Variants in EXOC4 observed in about 807,000 individuals in gnomAD.
EXOC4 encodes the protein SEC8-like 1.
A neutral mutation model predicts 107.2 loss-of-function variants in EXOC4; 71 were observed. That is an observed-to-expected ratio of 0.66 (90% CI 0.55 to 0.81). The LOEUF (loss-of-function observed/expected upper bound fraction) is 0.81, where lower values mean the gene tolerates loss of function less well. Ranked by LOEUF, EXOC4 falls within the 30% of genes least tolerant of loss-of-function variation. The pLI, the probability that EXOC4 is intolerant of heterozygous loss-of-function variation, is 0.00. For missense variants in EXOC4, 1,108 were observed against 1,189.6 expected (o/e 0.93, Z 1.01); for synonymous variants, 456 against 441.2 (o/e 1.03, Z -0.42).
At chr7:133,855,104 A>ATAAAT (rs1798334354) in intron 11 of EXOC4, among the ~76,000 whole-genome samples, 11 of 61,906 alleles carry the variant, frequency 1.8e-4, no homozygotes, top group South Asian at 4.2e-4. Flanking sequence ...TATATATATA[A>ATAAAT]ATATATATAA....
At chr7:133,625,165 G>T (rs557203547) in intron 9 of EXOC4, among the ~76,000 whole-genome samples, 4 of 152,102 alleles carry the variant, frequency 2.6e-5, no homozygotes, top group African/African-American at 7.2e-5. Context: ...AACATTTTTT[G>T]AATTTGGACT....
At chr7:133,286,810 C>A (rs1260614649) in intron 2 of EXOC4, among the ~76,000 whole-genome samples, 8 of 152,194 alleles carry the variant, frequency 5.3e-5, no homozygotes. Flanking sequence ...ACTTTGACTT[C>A]ATCCTCCTGT....
intron 9 of EXOC4, among the ~76,000 whole-genome samples, chr7:133,585,808 C>T (rs1199344967): frequency 1.3e-5 from 2 of 152,118 alleles, no homozygotes; most frequent in Non-Finnish European, 2.9e-5. Flanking sequence ...ATTCTTCTGC[C>T]TCTGCCTCCC....
chr7:133,569,852 T>A (rs1265935321), intron 9 of EXOC4, among the ~76,000 whole-genome samples: 3 of 152,224 alleles, frequency 2.0e-5, no homozygotes, highest in Non-Finnish European at 4.4e-5. Flanking sequence ...TGCTAGAGAT[T>A]CTGTATTTTA....
At chr7:133,328,647 G>C (rs199560167) in intron 5 of EXOC4, among the ~76,000 whole-genome samples, 13 of 152,272 alleles carry the variant, frequency 8.5e-5, no homozygotes, top group African/African-American at 3.1e-4. Flanking sequence ...ATTTGCTTGT[G>C]TGTAAAGGAT....
chr7:133,965,601 T>G (rs991088402), intron 14 of EXOC4, among the ~76,000 whole-genome samples: 2 of 152,178 alleles, frequency 1.3e-5, no homozygotes, highest in African/African-American at 4.8e-5. Context: ...CCATTGCTTG[T>G]TTTTGTCAGG....
At chr7:133,982,445 G>A (rs1160144478) in intron 14 of EXOC4, among the ~76,000 whole-genome samples, 2 of 152,052 alleles carry the variant, frequency 1.3e-5, no homozygotes, top group Admixed American at 1.3e-4. Context: ...CCAGCTACTC[G>A]GGAGGCTGAG....
rs889733014 is a variant in EXOC4 at position 133,536,397 on chromosome 7, A to G, written c.1417+56259A>G. ...CCTAGTAATTCTTGAGATCACGTACATCCACTTTGAAGTTTACTTTGACCA... is the reference window on the plus strand; with the variant it reads ...CCTAGTAATTCTTGAGATCACGTACGTCCACTTTGAAGTTTACTTTGACCA... On this transcript the variant is annotated intron_variant, in intron 9 of 17. Transcript: ENST00000253861. 2.6e-5 allele frequency among the ~76,000 whole-genome samples: 4 copies of G among 152,104 alleles called. No homozygotes were observed. The East Asian group carries it at 5.8e-4, about 22-fold the overall frequency.
intron 13 of EXOC4, among the ~76,000 whole-genome samples, chr7:133,934,080 G>C (rs1311496551): frequency 6.6e-6 from 1 of 152,006 alleles, no homozygotes; most frequent in African/African-American, 2.4e-5. Flanking sequence ...TGAAAAATAA[G>C]CTACACCAAA....
At chr7:133,963,266 G>T (rs1800987603) in intron 14 of EXOC4, among the ~76,000 whole-genome samples, 1 of 152,242 alleles carries the variant, frequency 6.6e-6, no homozygotes, top group Non-Finnish European at 1.5e-5. Context: ...GTAGTACTCA[G>T]AACTGTAAAA....
intron 10 of EXOC4, among the ~76,000 whole-genome samples, chr7:133,656,518 T>A (rs1348544615): frequency 6.6e-6 from 1 of 152,086 alleles, no homozygotes; most frequent in East Asian, 1.9e-4. Flanking sequence ...TGGTGAGTGA[T>A]CCTATTAAGG....
intron 10 of EXOC4, among the ~76,000 whole-genome samples, chr7:133,716,775 T>A (rs1795006621): frequency 6.6e-6 from 1 of 152,144 alleles, no homozygotes; most frequent in African/African-American, 2.4e-5. Flanking sequence ...ACCTCGTCTT[T>A]ACTAAAATAC....
At chr7:133,842,407 T>G (rs538602601) in intron 11 of EXOC4, among the ~76,000 whole-genome samples, 1 of 152,368 alleles carries the variant, frequency 6.6e-6, no homozygotes, top group African/African-American at 2.4e-5. Context: ...TCAGTTGTGC[T>G]TAGCATTTTT....
intron 7 of EXOC4, among the ~76,000 whole-genome samples, chr7:133,474,914 T>C (rs1196147856): frequency 1.3e-5 from 2 of 152,168 alleles, no homozygotes; most frequent in Non-Finnish European, 2.9e-5. Context: ...ATAATACATT[T>C]TACATGGATT....
intron 5 of EXOC4, among the ~76,000 whole-genome samples, chr7:133,335,109 G>T (rs775907167): frequency 6.6e-6 from 1 of 152,174 alleles, no homozygotes; most frequent in Non-Finnish European, 1.5e-5. Flanking sequence ...CATGTTGTTG[G>T]AGGTGTATCG....
chr7:133,882,219 GT>G (rs1361190402), intron 11 of EXOC4, among the ~76,000 whole-genome samples: 2 of 152,134 alleles, frequency 1.3e-5, no homozygotes, highest in Non-Finnish European at 2.9e-5. Context: ...GTATCTCATT[GT>G]ATGAATATGT....
At chr7:133,971,044 A>G (rs2116874096) in intron 14 of EXOC4, among the ~76,000 whole-genome samples, 1 of 152,188 alleles carries the variant, frequency 6.6e-6, no homozygotes, top group South Asian at 2.1e-4. Context: ...CCCTAACTGT[A>G]GTGCCTTCAT....
chr7:133,655,579 T>C (rs1157284124), intron 10 of EXOC4, among the ~76,000 whole-genome samples: 2 of 152,238 alleles, frequency 1.3e-5, no homozygotes, highest in Non-Finnish European at 2.9e-5. Context: ...TTTTTAAAAT[T>C]TTTGTTAAAA....
At chr7:134,018,621 C>A (rs1281245945) in intron 17 of EXOC4, among the ~76,000 whole-genome samples, 3 of 151,184 alleles carry the variant, frequency 2.0e-5, no homozygotes, top group Non-Finnish European at 4.4e-5. Context: ...TTTTATAATC[C>A]TTTTTTTTTA....
Sources: allele counts gnomAD v4.1 joint callset (sites outside exome capture counted in the v4.1 genomes callset), GRCh38; gene constraint gnomAD v4.1.1; transcripts MANE v1.5; gene names NCBI Gene and HGNC (gene_info 2026-07-23, HGNC 2026-07-21).